ARHGAP31: variants seen among roughly 807,000 people sequenced by gnomAD.
The protein encoded by ARHGAP31 is rho GTPase-activating protein 31.
A neutral mutation model predicts 113.9 loss-of-function variants in ARHGAP31; 34 were observed. The observed-to-expected ratio is 0.30, with a 90% CI of 0.23 to 0.40. The LOEUF (loss-of-function observed/expected upper bound fraction) is 0.40, where lower values mean the gene tolerates loss of function less well. Ranked by LOEUF, ARHGAP31 falls within the 10% of genes least tolerant of loss-of-function variation. The pLI, the probability that ARHGAP31 is intolerant of heterozygous loss-of-function variation, is 1.00. For synonymous variants in ARHGAP31, 650 were observed against 684.8 expected (o/e 0.95, Z 0.79); for missense variants, 1,548 against 1,767.1 (o/e 0.88, Z 2.22).
Position 119,416,168 on chromosome 3 carries a change from GA to G in ARHGAP31, c.4241del (p.Asn1414MetfsTer5). ...TTAGGAATAAAATGACCATCCCTAA[GA>G]ATGGCCAGAGACTAGAGACCTCAAC... ...TLRNKMTIPK[N>X]GQRLETSTSC... On this transcript the variant is annotated frameshift_variant, in exon 12 of 12. Transcript: ENST00000264245. LOFTEE classifies it high-confidence loss of function. The G allele has an allele frequency of 6.2e-7, 1 of 1,614,214 alleles. No individual in the cohort carries two copies. Among genetic ancestry groups the G allele is most frequent in the Non-Finnish European group, 8.5e-7 (1 of 1,180,030 alleles).
intron 1 of ARHGAP31, among the ~76,000 whole-genome samples, chr3:119,351,911 C>T (rs952082393): frequency 6.6e-6 from 1 of 152,204 alleles, no homozygotes; most frequent in African/African-American, 2.4e-5. Context: ...CTGATGTGTG[C>T]TTTATGCAGT....
chr3:119,354,111 C>G (rs1468094277), intron 1 of ARHGAP31, among the ~76,000 whole-genome samples: 1 of 152,252 alleles, frequency 6.6e-6, no homozygotes, highest in Non-Finnish European at 1.5e-5. Context: ...GGGACCCCCA[C>G]CCGGGGAACC....
chr3:119,400,297 G>A (rs888308225), intron 9 of ARHGAP31, among the ~76,000 whole-genome samples: 33 of 152,120 alleles, frequency 2.2e-4, no homozygotes, highest in Admixed American at 5.2e-4. Flanking sequence ...TTAGCCAGGC[G>A]TGGTGGTGCA....
intron 10 of ARHGAP31, among the ~76,000 whole-genome samples, chr3:119,406,886 G>A (rs2080667602): frequency 1.3e-5 from 2 of 152,234 alleles, no homozygotes; most frequent in East Asian, 3.9e-4. Context: ...AGTCCCAGTT[G>A]CTGAAAATGG....
intron 1 of ARHGAP31, among the ~76,000 whole-genome samples, chr3:119,345,552 G>T (rs2080049090): frequency 6.6e-6 from 1 of 152,114 alleles, no homozygotes. Flanking sequence ...CCTCCCATTG[G>T]ATGCTAAGCT....
intron 8 of ARHGAP31, among the ~76,000 whole-genome samples, chr3:119,394,553 G>C (rs1369035161): frequency 6.6e-6 from 1 of 152,098 alleles, no homozygotes; most frequent in Non-Finnish European, 1.5e-5. Context: ...TAGATTGAAA[G>C]TATGATAAAA....
chr3:119,383,062 A>C (rs1559987064), intron 5 of ARHGAP31, 22 bp from the exon 6 acceptor site: 2 of 1,613,840 alleles, frequency 1.2e-6, no homozygotes, highest in Non-Finnish European at 1.7e-6. Context: ...CACTAACTGA[A>C]TATGTTTCTT....
At chr3:119,385,278 G>T (rs2080439527) in intron 6 of ARHGAP31, among the ~76,000 whole-genome samples, 1 of 151,200 alleles carries the variant, frequency 6.6e-6, no homozygotes, top group Admixed American at 6.6e-5. Context: ...CAATCTTGTT[G>T]TATATATCAG....
intron 3 of ARHGAP31, 54 bp downstream of exon 3, chr3:119,368,570 A>G: frequency 6.2e-7 from 1 of 1,601,884 alleles, no homozygotes; most frequent in Non-Finnish European, 8.6e-7. Flanking sequence ...GGATGGGCCA[A>G]GAAGAGTTTC....
rs370101797 is a variant in ARHGAP31 at position 119,414,773 on chromosome 3, C to G, written c.2844C>G (p.Ser948Arg). 1 of 1,614,208 alleles carries G rather than the reference C, an allele frequency of 6.2e-7. No homozygotes were observed. Among genetic ancestry groups the G allele is most frequent in the East Asian group, 2.2e-5 (1 of 44,878 alleles). Residue 948 changes from serine to arginine, a missense_variant, in exon 12 of 12, where the codon AGC (serine) becomes AGG (arginine). By Grantham distance (110) the Ser-to-Arg change is moderately radical. Transcript: ENST00000264245. ...QLEKRLSHRP[S>R]LRQSHSLDSK... is the part of the protein sequence containing the mutation. ...AGAAGAGGCTTTCCCACAGGCCCAG[C>G]CTTCGCCAGAGCCATTCTCTAGATA...
rs2080794903 is a variant in ARHGAP31, at chr3:119,418,294, T to C, written c.*2030T>C. 1 of 152,038 alleles carries C rather than the reference T, an allele frequency of 6.6e-6. No individual in the cohort carries two copies. The highest frequency in any genetic ancestry group is 6.6e-5 in the Admixed American group (1 of 15,260). The allele number at this position is 152,038 out of a possible 1,614,324, so 9.4% of individuals were successfully genotyped here. On this transcript the variant is annotated 3_prime_UTR_variant, in exon 12 of 12. Transcript: ENST00000264245. ...CCTGTAAGAAAAAAGTCCTAGAATA[T>C]AGTATTTTTCCCCAGGCCAGCAAAG...
intron 1 of ARHGAP31, among the ~76,000 whole-genome samples, chr3:119,299,461 G>C (rs1160592070): frequency 6.6e-6 from 1 of 152,124 alleles, no homozygotes; most frequent in African/African-American, 2.4e-5. Context: ...GCATGACAGA[G>C]GGAAGGTTCA....
intron 1 of ARHGAP31, among the ~76,000 whole-genome samples, chr3:119,360,784 A>G (rs1392810253): frequency 6.6e-6 from 1 of 152,214 alleles, no homozygotes; most frequent in Non-Finnish European, 1.5e-5. Flanking sequence ...AACATTTAAG[A>G]TAACTGATCT....
intron 1 of ARHGAP31, among the ~76,000 whole-genome samples, chr3:119,359,273 C>T (rs1459659812): frequency 6.6e-6 from 1 of 152,094 alleles, no homozygotes; most frequent in African/African-American, 2.4e-5. Context: ...CTGCCTTGGC[C>T]TCCCAAAGTG....
chr3:119,395,947 G>A (rs1012826424), intron 8 of ARHGAP31, among the ~76,000 whole-genome samples: 23 of 152,128 alleles, frequency 1.5e-4, no homozygotes, highest in Admixed American at 3.3e-4. Context: ...AGAAACTGGG[G>A]AGAAGAGTAC....
chr3:119,344,954 G>A (rs1173107389), intron 1 of ARHGAP31, among the ~76,000 whole-genome samples: 1 of 134,690 alleles, frequency 7.4e-6, no homozygotes, highest in Non-Finnish European at 1.5e-5. Flanking sequence ...CTGCTGGTGG[G>A]ATTTTTTTTT....
intron 11 of ARHGAP31, among the ~76,000 whole-genome samples, chr3:119,410,166 A>G (rs1206514349): frequency 6.6e-6 from 1 of 152,166 alleles, no homozygotes; most frequent in Admixed American, 6.5e-5. Flanking sequence ...CTTCTTCTGG[A>G]CATCCTGGAT....
At chr3:119,326,100 G>C (rs1178667615) in intron 1 of ARHGAP31, among the ~76,000 whole-genome samples, 1 of 152,176 alleles carries the variant, frequency 6.6e-6, no homozygotes, top group African/African-American at 2.4e-5. Flanking sequence ...GCTGAGGCAG[G>C]AGAATCACTT....
chr3:119,408,989 C>T (rs1188328260), intron 10 of ARHGAP31, among the ~76,000 whole-genome samples: 2 of 152,090 alleles, frequency 1.3e-5, no homozygotes, highest in East Asian at 1.9e-4. Flanking sequence ...ATAGACTTCT[C>T]GAAGTCTGAC....
Sources: gnomAD v4.1 joint callset for allele counts (sites outside exome capture counted in the v4.1 genomes callset) on GRCh38, gnomAD v4.1.1 for gene constraint, MANE v1.5 for transcripts, NCBI Gene and HGNC (gene_info 2026-07-23, HGNC 2026-07-21) for gene names.